TBC1D22A: variants seen among roughly 807,000 people sequenced by gnomAD.
TBC1D22A encodes putative GTPase activator.
TBC1D22A carries 38 observed loss-of-function variants against 60.2 expected under a neutral mutation model. The observed-to-expected ratio is 0.63, with a 90% CI of 0.49 to 0.83. The LOEUF is 0.83. Among genes scored for constraint, TBC1D22A ranks in the 40% least tolerant of loss-of-function variants. TBC1D22A has a pLI of 0.00. For synonymous variants in TBC1D22A, 302 were observed against 281.7 expected (o/e 1.07, Z -0.72); for missense variants, 628 against 701.0 (o/e 0.90, Z 1.18).
At chr22:47,148,107 A>T (rs751126430) in intron 12 of TBC1D22A, among the ~76,000 whole-genome samples, 1 of 152,192 alleles carries the variant, frequency 6.6e-6, no homozygotes, top group Non-Finnish European at 1.5e-5. Context: ...GTCTGAACTG[A>T]TGAAAAATGA....
intron 12 of TBC1D22A, among the ~76,000 whole-genome samples, chr22:47,143,597 A>C (rs373317917): frequency 6.6e-6 from 1 of 152,226 alleles, no homozygotes; most frequent in Admixed American, 6.5e-5. Flanking sequence ...TGAACAACAG[A>C]AACTGGGTCC....
chr22:46,800,106 C>G (rs1357597870), intron 4 of TBC1D22A, among the ~76,000 whole-genome samples: 1 of 152,152 alleles, frequency 6.6e-6, no homozygotes, highest in Non-Finnish European at 1.5e-5. Flanking sequence ...CTTTAGAGTG[C>G]CCTGTAACAT....
rs542883609 is a variant in TBC1D22A, at chr22:47,150,693, G to A, written c.1426-22805G>A. On this transcript the variant is annotated intron_variant, in intron 12 of 12. Coordinates refer to ENST00000337137, the MANE Select transcript of TBC1D22A (RefSeq NM_014346.5). ...CTGGCATGGGCTGGTGGGCTGCAGC[G>A]CTAGCTCAAGGCCAGTACGCGGTCT... Among the ~76,000 whole-genome samples the A allele has an allele frequency of 3.9e-4, 60 of 152,278 alleles. No individual in the cohort carries two copies. In the Middle Eastern group the frequency reaches 0.01, roughly 26 times the overall value.
intron 8 of TBC1D22A, among the ~76,000 whole-genome samples, chr22:46,949,529 G>T (rs2072766888): frequency 1.3e-5 from 2 of 151,886 alleles, no homozygotes; most frequent in Non-Finnish European, 2.9e-5. Context: ...TAGATCTGGG[G>T]TATGTCTGGC....
intron 10 of TBC1D22A, among the ~76,000 whole-genome samples, chr22:47,017,673 C>T (rs575052541): frequency 2.0e-5 from 3 of 152,178 alleles, no homozygotes; most frequent in East Asian, 1.9e-4. Flanking sequence ...CAGTCTAAGG[C>T]GTTACGAGAA....
At chr22:47,172,854 C>T (rs2068540052) in intron 12 of TBC1D22A, among the ~76,000 whole-genome samples, 1 of 152,198 alleles carries the variant, frequency 6.6e-6, no homozygotes, top group Admixed American at 6.5e-5. Context: ...CAGGAGGGGC[C>T]AGTTGGCGCT....
chr22:47,072,478 G>A (rs756306157), intron 11 of TBC1D22A, among the ~76,000 whole-genome samples: 2 of 152,258 alleles, frequency 1.3e-5, no homozygotes, highest in Non-Finnish European at 2.9e-5. Flanking sequence ...TCCGTGGAGT[G>A]GCCTTCCCCT....
chr22:46,781,531 G>C (rs2083937214), intron 1 of TBC1D22A, among the ~76,000 whole-genome samples: 1 of 152,118 alleles, frequency 6.6e-6, no homozygotes, highest in South Asian at 2.1e-4. Flanking sequence ...GGTGTCCTCG[G>C]GTTCCCCTTA....
At chr22:46,979,272 C>G (rs1027792372) in intron 9 of TBC1D22A, among the ~76,000 whole-genome samples, 1 of 152,166 alleles carries the variant, frequency 6.6e-6, no homozygotes, top group South Asian at 2.1e-4. Context: ...TAAAAGTCTT[C>G]CAAAATTCAG....
chr22:46,948,666 G>A (rs1012976355), intron 8 of TBC1D22A, among the ~76,000 whole-genome samples: 1 of 152,206 alleles, frequency 6.6e-6, no homozygotes, highest in Admixed American at 6.5e-5. Flanking sequence ...TCCCTCTTTG[G>A]TCTTTGTCCC....
chr22:47,158,781 G>A (rs575128465), intron 12 of TBC1D22A, among the ~76,000 whole-genome samples: 2 of 152,248 alleles, frequency 1.3e-5, no homozygotes, highest in South Asian at 4.1e-4. Flanking sequence ...TCACCATCCT[G>A]CCTCAGCCAG....
At chr22:46,803,545 G>A (rs78985224) in intron 4 of TBC1D22A, among the ~76,000 whole-genome samples, 9 of 152,184 alleles carry the variant, frequency 5.9e-5, no homozygotes, top group Admixed American at 5.9e-4. Context: ...TAGTGGCCAG[G>A]TGCTGTCTTT....
chr22:47,058,150 C>A (rs936419418), intron 11 of TBC1D22A, among the ~76,000 whole-genome samples: 6 of 152,314 alleles, frequency 3.9e-5, no homozygotes, highest in Non-Finnish European at 8.8e-5. Context: ...TAGCTTCACG[C>A]CACACCCTGC....
intron 8 of TBC1D22A, among the ~76,000 whole-genome samples, chr22:46,927,670 C>T (rs2071125741): frequency 6.6e-6 from 1 of 152,116 alleles, no homozygotes; most frequent in Admixed American, 6.5e-5. Context: ...ATGACAGGAT[C>T]TTGTATGTAG....
At chr22:46,863,222 G>A (rs1347574909) in intron 4 of TBC1D22A, among the ~76,000 whole-genome samples, 1 of 152,196 alleles carries the variant, frequency 6.6e-6, no homozygotes, top group Non-Finnish European at 1.5e-5. Context: ...CCAGGAGGTG[G>A]CTCTCCAGGT....
chr22:47,087,031 G>T (rs2064724378), intron 11 of TBC1D22A, among the ~76,000 whole-genome samples: 2 of 152,250 alleles, frequency 1.3e-5, no homozygotes, highest in Admixed American at 1.3e-4. Flanking sequence ...GAATGTGGGT[G>T]CTCCGTCTGC....
At chr22:47,147,704 C>T (rs933780219) in intron 12 of TBC1D22A, among the ~76,000 whole-genome samples, 6 of 152,260 alleles carry the variant, frequency 3.9e-5, no homozygotes, top group Non-Finnish European at 7.3e-5. Flanking sequence ...GAGTGAGCCC[C>T]GCCGCAGGGC....
rs112409750 is a variant in TBC1D22A at position 46,916,174 on chromosome 22, A to G, written c.1015+3986A>G. ...GAGCTGCTGTGGTTGAGGTTGACACACAGGACCTGGTCTGAAGGCAGACCA... is the reference window on the plus strand; with the variant it reads ...GAGCTGCTGTGGTTGAGGTTGACACGCAGGACCTGGTCTGAAGGCAGACCA... On this transcript the variant is annotated intron_variant, in intron 8 of 12. Transcript: ENST00000337137. The G allele has an allele frequency of 6.5e-3, 2,241 of 347,332 alleles. 57 individuals carry two copies. The highest frequency in any genetic ancestry group is 0.044 in the African/African-American group (2,071 of 46,758). 21.5% of individuals were successfully genotyped at this position (347,332 alleles called of 1,614,324 possible). A position where few individuals can be genotyped will look rare whatever the true frequency, so the allele number is the denominator to read the frequency against.
intron 9 of TBC1D22A, among the ~76,000 whole-genome samples, chr22:46,980,693 G>C (rs1041890381): frequency 9.4e-3 from 1 of 106 alleles, no homozygotes; most frequent in African/African-American, 0.045. Context: ...AATAGAACTA[G>C]AAAGAGAAAT....
Sources: allele counts gnomAD v4.1 joint callset (sites outside exome capture counted in the v4.1 genomes callset), GRCh38; gene constraint gnomAD v4.1.1; transcripts MANE v1.5; gene names NCBI Gene and HGNC (gene_info 2026-07-23, HGNC 2026-07-21).